Variants in COG5 observed in about 807,000 individuals in gnomAD.
COG5 encodes component of oligomeric golgi complex 5, also known as conserved oligomeric Golgi complex subunit 5.
In COG5, 86 loss-of-function variants were observed where a neutral mutation model predicts 110.4. The observed-to-expected ratio is 0.78, with a 90% CI of 0.65 to 0.93. The LOEUF (loss-of-function observed/expected upper bound fraction) is 0.93. Ranked by LOEUF, COG5 falls within the 40% of genes least tolerant of loss-of-function variation. The probability of loss-of-function intolerance (pLI) is 0.00; values close to 1 mark genes in which losing one functional copy is unlikely to be tolerated. For synonymous variants in COG5, 360 were observed against 334.6 expected (o/e 1.08, Z -0.83); for missense variants, 1,077 against 987.0 (o/e 1.09, Z -1.22).
chr7:107,294,972 T>TATATACACAC (rs1806533787), intron 12 of COG5, among the ~76,000 whole-genome samples: 1 of 134,374 alleles, frequency 7.4e-6, no homozygotes, highest in African/African-American at 2.8e-5. Flanking sequence ...CACACATATA[T>TATATACACAC]ATATACACAT....
intron 6 of COG5, among the ~76,000 whole-genome samples, chr7:107,512,993 A>G (rs1440098087): frequency 6.6e-6 from 1 of 152,194 alleles, no homozygotes; most frequent in East Asian, 1.9e-4. Context: ...ATGGGCAAGG[A>G]CTTCATGTCT....
intron 5 of COG5, among the ~76,000 whole-genome samples, chr7:107,534,466 G>T (rs1801434412): frequency 6.7e-6 from 1 of 149,350 alleles, no homozygotes; most frequent in African/African-American, 2.5e-5. Flanking sequence ...AGGGATGGGT[G>T]AATATTTACC....
chr7:107,441,926 A>T (rs1310972662), intron 6 of COG5, among the ~76,000 whole-genome samples: 1 of 152,262 alleles, frequency 6.6e-6, no homozygotes, highest in Non-Finnish European at 1.5e-5. Flanking sequence ...GCATTAGTTT[A>T]GCAATGCTCT....
chr7:107,273,618 T>C (rs1804454844), intron 14 of COG5, among the ~76,000 whole-genome samples: 2 of 152,256 alleles, frequency 1.3e-5, no homozygotes, highest in Admixed American at 1.3e-4. Flanking sequence ...AAAAACTAAA[T>C]AACAAATTTC....
intron 5 of COG5, among the ~76,000 whole-genome samples, chr7:107,543,303 C>T (rs1022565597): frequency 6.6e-6 from 1 of 152,174 alleles, no homozygotes; most frequent in South Asian, 2.1e-4. Flanking sequence ...CCCCCAACAC[C>T]AGCCAGCTAG....
intron 6 of COG5, among the ~76,000 whole-genome samples, chr7:107,495,529 C>T (rs568301502): frequency 2.0e-5 from 3 of 151,956 alleles, no homozygotes; most frequent in East Asian, 3.9e-4. Flanking sequence ...AGTTTTCAAC[C>T]AAAATTTATT....
At chr7:107,431,100 C>T (rs1793998086) in intron 6 of COG5, among the ~76,000 whole-genome samples, 1 of 152,148 alleles carries the variant, frequency 6.6e-6, no homozygotes, top group African/African-American at 2.4e-5. Flanking sequence ...TGATTTTAGT[C>T]CCTTAAAACT....
In COG5 at chr7:107,203,449, G is replaced by A; in HGVS notation, c.*67C>T. The A allele has an allele frequency of 2.0e-6, 2 of 985,772 alleles. No individual in the cohort carries two copies. The highest frequency in any genetic ancestry group is 1.6e-6 in the Non-Finnish European group (1 of 607,136). 61.1% of individuals were successfully genotyped at this position (985,772 alleles called of 1,614,324 possible). On this transcript the variant is annotated 3_prime_UTR_variant, in exon 22 of 22. Coordinates refer to ENST00000297135, the MANE Select transcript of COG5 (RefSeq NM_006348.5). The stretch of plus-strand genomic sequence containing the variant: ...TAGTAGATAGTAGCAGTCTTTTGGA[G>A]TATGTGTTTAACTGCCAACTATGAA...
intron 10 of COG5, among the ~76,000 whole-genome samples, chr7:107,342,341 T>TA (rs1485456643): frequency 1.4e-5 from 1 of 69,366 alleles, no homozygotes; most frequent in Non-Finnish European, 2.9e-5. Context: ...ATAGCTATTA[T>TA]AAAAGAGTCA....
At chr7:107,235,895 ATC>A (rs147458084) in intron 18 of COG5, among the ~76,000 whole-genome samples, 1,590 of 152,304 alleles carry the variant, frequency 0.01, 14 homozygotes, top group African/African-American at 0.037. Flanking sequence ...ATGTCATTCT[ATC>A]TCTCACACAC....
At chr7:107,465,882 A>G (rs1194168165) in intron 6 of COG5, among the ~76,000 whole-genome samples, 1 of 152,156 alleles carries the variant, frequency 6.6e-6, no homozygotes, top group Admixed American at 6.5e-5. Flanking sequence ...ACTAGATTGT[A>G]GACAGTCAGC....
chr7:107,409,887 A>G (rs999389797), intron 7 of COG5, among the ~76,000 whole-genome samples: 14 of 152,238 alleles, frequency 9.2e-5, no homozygotes, highest in Non-Finnish European at 1.6e-4. Context: ...TACAGTGAAT[A>G]AAGAAAATCT....
chr7:107,461,967 T>C (rs956753592), intron 6 of COG5, among the ~76,000 whole-genome samples: 7 of 152,224 alleles, frequency 4.6e-5, no homozygotes, highest in South Asian at 2.1e-4. Flanking sequence ...CCCTAACAGA[T>C]AGACAGGTTC....
At chr7:107,473,916 T>C (rs1477143386) in intron 6 of COG5, 9 of 518,564 alleles carry the variant, frequency 1.7e-5, no homozygotes, top group African/African-American at 3.9e-5. Context: ...TATTAATAGT[T>C]TACAAACTTA....
At chr7:107,563,727 G>T in intron 1 of COG5, 76 bp downstream of exon 1, 3 of 1,537,104 alleles carry the variant, frequency 2.0e-6, no homozygotes, top group Non-Finnish European at 2.7e-6. Context: ...GCAACGGGTT[G>T]GGTCCACCTC....
chr7:107,472,191 G>C (rs924863848), intron 6 of COG5: 1 of 151,930 alleles, frequency 6.6e-6, no homozygotes, highest in African/African-American at 2.4e-5. Flanking sequence ...CTGTTCTTTA[G>C]AAATCCATCA....
At chr7:107,317,029 G>A (rs1023007047) in intron 11 of COG5, among the ~76,000 whole-genome samples, 11 of 151,872 alleles carry the variant, frequency 7.2e-5, no homozygotes, top group African/African-American at 2.7e-4. Context: ...ATTTTAATGA[G>A]GAACTTTTGC....
At chr7:107,561,631 G>A (rs1348184920) in intron 1 of COG5, among the ~76,000 whole-genome samples, 1 of 152,154 alleles carries the variant, frequency 6.6e-6, no homozygotes, top group African/African-American at 2.4e-5. Context: ...GAGTCCCCAG[G>A]AAACAGGAAG....
intron 16 of COG5, among the ~76,000 whole-genome samples, chr7:107,250,875 G>GA (rs1262912885): frequency 2.6e-5 from 4 of 151,872 alleles, no homozygotes; most frequent in South Asian, 4.2e-4. Context: ...TTAAACCTAA[G>GA]AAAAAACTGC....
Sources: gnomAD v4.1 joint callset for allele counts (sites outside exome capture counted in the v4.1 genomes callset) on GRCh38, gnomAD v4.1.1 for gene constraint, MANE v1.5 for transcripts, NCBI Gene and HGNC (gene_info 2026-07-23, HGNC 2026-07-21) for gene names.